TDRD5: variants seen among roughly 807,000 people sequenced by gnomAD.
The protein encoded by TDRD5 is tudor domain containing 5.
TDRD5 carries 41 observed loss-of-function variants against 120.6 expected under a neutral mutation model. That is an observed-to-expected ratio of 0.34 (90% CI 0.26 to 0.44). The LOEUF is 0.44. TDRD5 is among the 20% of genes least tolerant of loss of function. The pLI, the probability that TDRD5 is intolerant of heterozygous loss-of-function variation, is 1.00. For missense variants in TDRD5, 1,006 were observed against 1,221.2 expected, an observed-to-expected ratio of 0.82 and a Z score of 2.63; for synonymous variants, 430 against 433.7, an observed-to-expected ratio of 0.99 and a Z score of 0.11.
Position 179,593,611 on chromosome 1 carries a change from C to A in TDRD5, c.384C>A (p.Ala128=). 1 of 1,614,184 alleles carries A rather than the reference C, an allele frequency of 6.2e-7. No individual in the cohort carries two copies. The highest frequency in any genetic ancestry group is 1.1e-5 in the South Asian group (1 of 91,080). ...GAGTACCTTACCGAGGAAGGGTTGC[C>A]CCTATTCTTCCAGCTGTTGTGAAGA... ...HRRVPYRGRV[A]PILPAVVKSE... The change falls in exon 3 of 18, where the codon GCC becomes GCA. Residue 128 remains alanine (A), a synonymous_variant. Transcript: ENST00000444136.
rs937419637 is a variant in TDRD5, at chr1:179,595,936, A to G, written c.831+118A>G. 6.9e-6 allele frequency: 7 copies of G among 1,011,326 alleles called. No individual in the cohort carries two copies. The East Asian group carries it at 1.4e-4, about 21-fold the overall frequency. 62.6% of individuals were successfully genotyped at this position (1,011,326 alleles called of 1,614,324 possible). A position where few individuals can be genotyped will look rare whatever the true frequency, so the allele number is the denominator to read the frequency against. Reference sequence around the variant, plus strand: ...AAACTGAAGTCATTCACTTATTTCAAATTTGACTAAGCATTTCCTATGGTT... The same window carrying G: ...AAACTGAAGTCATTCACTTATTTCAGATTTGACTAAGCATTTCCTATGGTT... On this transcript the variant is annotated intron_variant, in intron 4 of 17. Transcript: ENST00000444136.
intron 6 of TDRD5, among the ~76,000 whole-genome samples, 183 bp downstream of exon 6, chr1:179,621,274 A>T (rs1676829759): frequency 1.3e-5 from 2 of 152,086 alleles, no homozygotes; most frequent in African/African-American, 4.8e-5. Flanking sequence ...TTGATTATGC[A>T]TAGGAAGGAT....
chr1:179,617,101 G>C (rs1342242494), intron 4 of TDRD5, among the ~76,000 whole-genome samples: 1 of 152,120 alleles, frequency 6.6e-6, no homozygotes, highest in Non-Finnish European at 1.5e-5. Flanking sequence ...GGTACCTTTT[G>C]TTAAAGCTAA....
At chr1:179,624,905 A>G (rs1677036615) in intron 6 of TDRD5, among the ~76,000 whole-genome samples, 1 of 152,098 alleles carries the variant, frequency 6.6e-6, no homozygotes, top group South Asian at 2.1e-4. Flanking sequence ...CTTACAGTGC[A>G]TGCATAGGAG....
intron 16 of TDRD5, among the ~76,000 whole-genome samples, chr1:179,666,962 A>C (rs573836909): frequency 1.2e-4 from 19 of 152,316 alleles, no homozygotes; most frequent in Admixed American, 1.2e-3. Flanking sequence ...ACTGTGAGGG[A>C]GTCAGTCATT....
intron 4 of TDRD5, among the ~76,000 whole-genome samples, chr1:179,598,919 G>T (rs1418042142): frequency 6.6e-6 from 1 of 151,970 alleles, no homozygotes; most frequent in Admixed American, 6.6e-5. Flanking sequence ...TTATATAAAT[G>T]TGAGAGTGGA....
chr1:179,689,461 C>T (rs1443403227), intron 17 of TDRD5, among the ~76,000 whole-genome samples: 1 of 152,110 alleles, frequency 6.6e-6, no homozygotes, highest in African/African-American at 2.4e-5. Flanking sequence ...CAATTGGCCC[C>T]TACTGGGAGG....
chr1:179,645,981 A>G (rs1678342149), intron 11 of TDRD5, among the ~76,000 whole-genome samples: 1 of 152,050 alleles, frequency 6.6e-6, no homozygotes, highest in African/African-American at 2.4e-5. Flanking sequence ...TCTTTTATGA[A>G]CTATATAGTT....
Position 179,640,394 on chromosome 1 carries a change from G to C in TDRD5, c.1749G>C (p.Lys583Asn), listed in dbSNP as rs373608087. The C allele has an allele frequency of 5.4e-5, 87 of 1,614,016 alleles. No individual in the cohort carries two copies. Among genetic ancestry groups the C allele is most frequent in the Non-Finnish European group, 7.3e-5 (86 of 1,180,008 alleles). ...TCTATTGCAGGTGCTGCTACACAAAGCTTCCAGCTCAGGCTATCCCTTGTT... is the reference window on the plus strand; with the variant it reads ...TCTATTGCAGGTGCTGCTACACAAACCTTCCAGCTCAGGCTATCCCTTGTT... ...SLRFLKCCYT[K>N]LPAQAIPCSL... is the part of the protein sequence containing the mutation. The change falls in exon 11 of 18, where the codon AAG (lysine) becomes AAC (asparagine). Residue 583 changes from lysine (K) to asparagine (N), a missense_variant. By Grantham distance (94) the Lys-to-Asn change is moderately conservative. Around this residue, in one of 3 missense-constraint regions of TDRD5, gnomAD observed 158 missense variants for 257.5 expected, o/e 0.61. Transcript: ENST00000444136.
chr1:179,651,922 A>G (rs1267163477), intron 12 of TDRD5, 117 bp from the exon 13 acceptor site: 11 of 1,183,686 alleles, frequency 9.3e-6, no homozygotes, highest in African/African-American at 1.6e-5. Flanking sequence ...CGAAATAAAT[A>G]AATAAAATTT....
intron 17 of TDRD5, among the ~76,000 whole-genome samples, chr1:179,688,684 A>G (rs934668493): frequency 2.0e-5 from 3 of 152,322 alleles, no homozygotes; most frequent in Middle Eastern, 3.4e-3. Context: ...AGGTACACCA[A>G]TCAGACGTAG....
At chr1:179,650,731 C>G (rs1269006533) in intron 11 of TDRD5, 136 bp from the exon 12 acceptor site, 1 of 797,516 alleles carries the variant, frequency 1.3e-6, no homozygotes, top group Non-Finnish European at 2.0e-6. Context: ...ATATATCCTC[C>G]TATGTGTTAT....
At chr1:179,618,415 ATCTAC>A (rs1676670375) in intron 4 of TDRD5, among the ~76,000 whole-genome samples, 179 bp from the exon 5 acceptor site, 1 of 152,162 alleles carries the variant, frequency 6.6e-6, no homozygotes, top group Non-Finnish European at 1.5e-5. Flanking sequence ...TAATGATTCT[ATCTAC>A]TCTAAGTGTA....
At chr1:179,596,965 G>A (rs1489845704) in intron 4 of TDRD5, among the ~76,000 whole-genome samples, 1 of 152,068 alleles carries the variant, frequency 6.6e-6, no homozygotes, top group Non-Finnish European at 1.5e-5. Flanking sequence ...TTAACATTTG[G>A]GATTGTCAGT....
intron 16 of TDRD5, 29 bp downstream of exon 16, chr1:179,663,520 A>G (rs755427180): frequency 1.3e-6 from 2 of 1,577,874 alleles, no homozygotes; most frequent in South Asian, 2.4e-5. Flanking sequence ...TTATTGGGAC[A>G]GGTTTGCATA....
rs536558776 is a variant in TDRD5, at chr1:179,599,535, C to CT, written c.831+3730dup. On this transcript the variant is annotated intron_variant, in intron 4 of 17. Transcript: ENST00000444136. ...AGGGCTATTTTGTATTTTATGCTTT[C>CT]TTTTTTTTTTTTTAAATGAGCCTTG... Among the ~76,000 whole-genome samples, 584 of 141,234 alleles carry CT rather than the reference C, an allele frequency of 4.1e-3. 2 individuals carry two copies. The highest frequency in any genetic ancestry group is 0.018 in the South Asian group (82 of 4,446). 92.7% of individuals were successfully genotyped at this position (141,234 alleles called of 152,430 possible). A position where few individuals can be genotyped will look rare whatever the true frequency, so the allele number is the denominator to read the frequency against.
chr1:179,598,840 C>CTT (rs1553319844), intron 4 of TDRD5, among the ~76,000 whole-genome samples: 2 of 152,048 alleles, frequency 1.3e-5, no homozygotes, highest in Non-Finnish European at 2.9e-5. Flanking sequence ...TTTACTTCCT[C>CTT]CTTTTCAATC....
chr1:179,653,869 T>G (rs1342633383), intron 13 of TDRD5, among the ~76,000 whole-genome samples: 1 of 152,220 alleles, frequency 6.6e-6, no homozygotes, highest in Admixed American at 6.5e-5. Context: ...CAATCATATT[T>G]TTGTCATATC....
At chr1:179,651,992 T>C (rs1678743414) in intron 12 of TDRD5, 47 bp from the exon 13 acceptor site, 3 of 1,588,370 alleles carry the variant, frequency 1.9e-6, no homozygotes, top group Non-Finnish European at 1.7e-6. Flanking sequence ...GCCCTTTTTC[T>C]GTTGGTCATG....
Sources: gnomAD v4.1 joint callset for allele counts (sites outside exome capture counted in the v4.1 genomes callset) on GRCh38, gnomAD v4.1.1 for gene constraint, gnomAD v4.1.1 regional missense constraint, MANE v1.5 for transcripts, NCBI Gene and HGNC (gene_info 2026-07-23, HGNC 2026-07-21) for gene names.